The following GGNBP2 variants were observed in gnomAD, a reference collection of about 807,000 sequenced individuals.
The protein encoded by GGNBP2 is gametogenetin binding protein 2.
A neutral mutation model predicts 85.9 loss-of-function variants in GGNBP2; 10 were observed. The ratio of observed to expected loss-of-function variants is 0.12; its 90% confidence interval spans 0.07 to 0.20. The LOEUF is 0.20. GGNBP2 is among the 10% of genes least tolerant of loss of function. The probability of loss-of-function intolerance (pLI) is 1.00; values close to 1 mark genes in which losing one functional copy is unlikely to be tolerated. For missense variants in GGNBP2, 595 were observed against 857.8 expected (o/e 0.69, Z 3.83); for synonymous variants, 287 against 285.7 (o/e 1.00, Z -0.05).
chr17:36,551,138 C>T (rs1270341628), intron 2 of GGNBP2, among the ~76,000 whole-genome samples: 1 of 151,474 alleles, frequency 6.6e-6, no homozygotes. Context: ...AGTATTTTTG[C>T]TACTAATTAG....
In GGNBP2 at chr17:36,579,243, A is replaced by G; in HGVS notation, c.846-2A>G. ...TTAGTGTGTGATTATTCCCTTTTAT[A>G]GGCGAAGAGAAAGGCATGCAAAGAC... is the stretch of plus-strand genomic sequence containing the variant. On this transcript the variant is annotated splice_acceptor_variant, in intron 7 of 13. Coordinates refer to ENST00000613102, the MANE Select transcript of GGNBP2 (RefSeq NM_024835.5). LOFTEE classifies it high-confidence loss of function. 6.2e-7 allele frequency: 1 copy of G among 1,612,776 alleles called. No individual in the cohort carries two copies. The highest frequency in any genetic ancestry group is 8.5e-7 in the Non-Finnish European group (1 of 1,178,868).
In GGNBP2 at chr17:36,578,014, C is replaced by A; in HGVS notation, c.673C>A (p.Arg225=). ...FCTDCKNKVL[R]AYNILIGELD... Reference sequence around the variant, plus strand: ...CACTGATTGCAAAAATAAAGTCCTCCGAGCATACAATATCCTTATTGGTGA... The same window carrying A: ...CACTGATTGCAAAAATAAAGTCCTCAGAGCATACAATATCCTTATTGGTGA... Residue 225 remains arginine, a synonymous_variant, in exon 7 of 14, where the codon CGA becomes AGA. Transcript: ENST00000613102. 6.2e-7 allele frequency: 1 copy of A among 1,614,040 alleles called. No individual in the cohort carries two copies. Among genetic ancestry groups the A allele is most frequent in the Non-Finnish European group, 8.5e-7 (1 of 1,179,982 alleles).
chr17:36,579,520 T>A (rs1053465268), intron 8 of GGNBP2, 101 bp downstream of exon 8: 3 of 969,572 alleles, frequency 3.1e-6, no homozygotes, highest in Non-Finnish European at 4.7e-6. Context: ...TGTCCATCAC[T>A]GATAGAGCTT....
intron 6 of GGNBP2, among the ~76,000 whole-genome samples, chr17:36,573,193 A>G (rs1273895350): frequency 6.6e-6 from 1 of 151,750 alleles, no homozygotes; most frequent in African/African-American, 2.4e-5. Context: ...GTTCACTGCA[A>G]CCTCCGCCTC....
At chr17:36,574,642 C>A in intron 6 of GGNBP2, 1 of 581,290 alleles carries the variant, frequency 1.7e-6, no homozygotes, top group South Asian at 2.1e-5. Context: ...TATAGTTACC[C>A]AGGGCGGCAG....
chr17:36,561,560 T>TA (rs1349890792), intron 5 of GGNBP2, among the ~76,000 whole-genome samples: 2 of 152,190 alleles, frequency 1.3e-5, no homozygotes, highest in African/African-American at 4.8e-5. Context: ...ACCAAGGTTT[T>TA]AAAAAAAGTA....
intron 2 of GGNBP2, among the ~76,000 whole-genome samples, chr17:36,550,894 C>T (rs1196297026): frequency 6.6e-6 from 1 of 152,196 alleles, no homozygotes; most frequent in Non-Finnish European, 1.5e-5. Flanking sequence ...AATTGTGCTA[C>T]TAGCCTCTTT....
At chr17:36,579,484 T>C (rs78653712) in intron 8 of GGNBP2, 65 bp downstream of exon 8, 4 of 1,411,944 alleles carry the variant, frequency 2.8e-6, no homozygotes, top group African/African-American at 1.4e-5. Context: ...TGAATCTTAA[T>C]GTAAGCCACC....
At chr17:36,552,068 TA>T (rs1401086892) in intron 2 of GGNBP2, among the ~76,000 whole-genome samples, 6 of 152,230 alleles carry the variant, frequency 3.9e-5, no homozygotes, top group Non-Finnish European at 8.8e-5. Flanking sequence ...CATTTTTTAT[TA>T]CGGCTATTGG....
chr17:36,588,556 A>C (rs189347741), intron 13 of GGNBP2, among the ~76,000 whole-genome samples: 1 of 150,358 alleles, frequency 6.7e-6, no homozygotes, highest in East Asian at 2.0e-4. Flanking sequence ...GCGCCCAGCT[A>C]GTTTTTTTCT....
At chr17:36,574,593 A>T (rs2074558186) in intron 6 of GGNBP2, 1 of 540,740 alleles carries the variant, frequency 1.8e-6, no homozygotes, top group African/African-American at 2.0e-5. Context: ...GGGGTCAGGT[A>T]GCTGTAGGTC....
intron 5 of GGNBP2, among the ~76,000 whole-genome samples, chr17:36,566,501 TAAAAAATAC>T (rs1210616393): frequency 1.3e-5 from 2 of 151,546 alleles, no homozygotes; most frequent in East Asian, 3.9e-4. Context: ...TGTCTCTACT[TAAAAAATAC>T]AAAAAATAAA....
chr17:36,573,791 T>G (rs1389927080), intron 6 of GGNBP2, among the ~76,000 whole-genome samples: 1 of 152,192 alleles, frequency 6.6e-6, no homozygotes, highest in Non-Finnish European at 1.5e-5. Flanking sequence ...ATGTTGAGCA[T>G]CTTTTCATAT....
chr17:36,581,567 T>C, intron 9 of GGNBP2, 29 bp downstream of exon 9: 1 of 1,514,316 alleles, frequency 6.6e-7, no homozygotes. Flanking sequence ...AACTCTTAAG[T>C]GTGTATGTAT....
chr17:36,561,488 T>C (rs1465816716), intron 5 of GGNBP2, among the ~76,000 whole-genome samples: 3 of 152,184 alleles, frequency 2.0e-5, no homozygotes, highest in Non-Finnish European at 4.4e-5. Context: ...TAATCATTAT[T>C]TGATCTACAG....
chr17:36,556,657 T>C (rs968608780), intron 3 of GGNBP2, among the ~76,000 whole-genome samples: 1 of 151,664 alleles, frequency 6.6e-6, no homozygotes. Context: ...TGAGCTGAGA[T>C]TGTGCTACTG....
intron 5 of GGNBP2, among the ~76,000 whole-genome samples, chr17:36,564,902 G>C (rs932382066): frequency 1.3e-5 from 2 of 152,174 alleles, no homozygotes; most frequent in Non-Finnish European, 2.9e-5. Flanking sequence ...AGTAAACCCA[G>C]GTTATTGTCT....
intron 6 of GGNBP2, among the ~76,000 whole-genome samples, chr17:36,568,175 C>T (rs1015093098): frequency 6.6e-6 from 1 of 152,162 alleles, no homozygotes; most frequent in Non-Finnish European, 1.5e-5. Flanking sequence ...CCACCAACCT[C>T]GGCCTCCCAA....
Position 36,589,221 on chromosome 17 carries a change from G to T in GGNBP2, c.1904G>T (p.Cys635Phe). ...TTTAATTTGCAGGATGAGTCTGAAT[G>T]TACTTCAGATGAGGAAATCTTTATC... The part of the protein sequence containing the change: ...SLVELLDESE[C>F]TSDEEIFISQ... Residue 635 changes from cysteine to phenylalanine, a missense_variant, in exon 14 of 14, where the codon TGT (cysteine) becomes TTT (phenylalanine). Coordinates refer to ENST00000613102, the MANE Select transcript of GGNBP2 (RefSeq NM_024835.5). 2 of 1,607,094 alleles carry T rather than the reference G, an allele frequency of 1.2e-6. No individual in the cohort carries two copies. The highest frequency in any genetic ancestry group is 1.7e-6 in the Non-Finnish European group (2 of 1,174,154).
Sources: gnomAD v4.1 joint callset for allele counts (sites outside exome capture counted in the v4.1 genomes callset) on GRCh38, gnomAD v4.1.1 for gene constraint, MANE v1.5 for transcripts, NCBI Gene and HGNC (gene_info 2026-07-23, HGNC 2026-07-21) for gene names.